The following RBFOX1 variants were observed in gnomAD, a reference collection of about 807,000 sequenced individuals.
RBFOX1 encodes the protein RNA binding fox-1 homolog 1.
A neutral mutation model predicts 57.7 loss-of-function variants in RBFOX1; 8 were observed. The observed-to-expected ratio is 0.14, with a 90% CI of 0.08 to 0.25. The LOEUF is 0.25. Ranked by LOEUF, RBFOX1 falls within the 10% of genes least tolerant of loss-of-function variation. The pLI, the probability that RBFOX1 is intolerant of heterozygous loss-of-function variation, is 1.00. For missense variants in RBFOX1, 611 were observed against 548.5 expected (o/e 1.11, Z -1.14); for synonymous variants, 326 against 222.4 (o/e 1.47, Z -4.15).
intron 2 of RBFOX1, among the ~76,000 whole-genome samples, chr16:6,499,647 C>A (rs2095860408): frequency 6.6e-6 from 1 of 151,888 alleles, no homozygotes; most frequent in African/African-American, 2.4e-5. Flanking sequence ...ATTTCAAGTT[C>A]TCATTATTGT....
intron 3 of RBFOX1, among the ~76,000 whole-genome samples, chr16:7,049,665 C>G (rs1161462541): frequency 5.3e-5 from 8 of 151,968 alleles, no homozygotes; most frequent in Non-Finnish European, 1.2e-4. Context: ...TGTGGCGGTA[C>G]TTTAAATTTT....
chr16:6,770,504 C>T (rs888722606), intron 3 of RBFOX1, among the ~76,000 whole-genome samples: 3 of 152,166 alleles, frequency 2.0e-5, no homozygotes, highest in East Asian at 1.9e-4. Flanking sequence ...ATTAGGATAG[C>T]CCTGCAAGTC....
chr16:6,364,026 G>A (rs1269123028), intron 2 of RBFOX1, among the ~76,000 whole-genome samples: 2 of 152,196 alleles, frequency 1.3e-5, no homozygotes. Context: ...TGTTTTCAAT[G>A]GAATAGTGGC....
intron 3 of RBFOX1, among the ~76,000 whole-genome samples, chr16:5,642,883 G>A (rs2048928180): frequency 6.6e-6 from 1 of 152,152 alleles, no homozygotes; most frequent in African/African-American, 2.4e-5. Flanking sequence ...GAGGGGGTCT[G>A]TATTCAAAAG....
At chr16:5,912,472 C>T (rs979861147) in intron 4 of RBFOX1, among the ~76,000 whole-genome samples, 1 of 152,186 alleles carries the variant, frequency 6.6e-6, no homozygotes, top group African/African-American at 2.4e-5. Flanking sequence ...CATCTCCCAG[C>T]TCCTCTCACC....
intron 4 of RBFOX1, among the ~76,000 whole-genome samples, chr16:7,091,354 C>G (rs937436889): frequency 1.3e-5 from 2 of 151,744 alleles, no homozygotes; most frequent in African/African-American, 4.8e-5. Flanking sequence ...TTCATCCTCA[C>G]CTTTTAAAAA....
intron 4 of RBFOX1, among the ~76,000 whole-genome samples, chr16:5,900,447 G>C (rs983269415): frequency 6.6e-6 from 1 of 152,200 alleles, no homozygotes; most frequent in Non-Finnish European, 1.5e-5. Flanking sequence ...TTTCTGCAAG[G>C]AGATTTATTT....
intron 4 of RBFOX1, among the ~76,000 whole-genome samples, chr16:7,206,075 C>T (rs8061832): frequency 0.1 from 15,447 of 152,156 alleles, 860 homozygotes; most frequent in African/African-American, 0.11. Flanking sequence ...ACTAGGAACT[C>T]AGTAAAATGT....
In RBFOX1 at chr16:7,082,218, A is replaced by C. The variant is rs1433167347; in HGVS notation, c.27+30120A>C. On this transcript the variant is annotated intron_variant, in intron 4 of 15. Transcript: ENST00000550418. The stretch of plus-strand genomic sequence containing the variant: ...ATTGAAGACCTATGGTTCAGGATGA[A>C]TCTACCTTCTCAGGAGCTTCAGTTG... 1.1e-4 allele frequency among the ~76,000 whole-genome samples: 16 copies of C among 152,264 alleles called. No individual in the cohort carries two copies. The East Asian group carries it at 2.9e-3, about 28-fold the overall frequency.
chr16:6,885,439 G>A (rs1370494322), intron 3 of RBFOX1, among the ~76,000 whole-genome samples: 9 of 152,198 alleles, frequency 5.9e-5, no homozygotes, highest in African/African-American at 2.2e-4. Context: ...GAGTTCTATA[G>A]TACCTTTCAG....
At chr16:6,165,637 G>A (rs1042388508) in intron 1 of RBFOX1, among the ~76,000 whole-genome samples, 2 of 152,206 alleles carry the variant, frequency 1.3e-5, no homozygotes, top group Non-Finnish European at 2.9e-5. Flanking sequence ...AAACAGTTCT[G>A]CCTGCTTCGT....
intron 15 of RBFOX1, 27 bp downstream of exon 15, chr16:7,709,158 ACTTCCTCCTGCCTCC>A (rs759101232): frequency 1.9e-6 from 3 of 1,577,546 alleles, no homozygotes; most frequent in Admixed American, 1.7e-5. Context: ...CCTTGTCCTC[ACTTCCTCCTGCCTCC>A]CTTCCCTTTC....
At chr16:5,984,962 ATATATATATATATATTTTT>A (rs2060252074) in intron 4 of RBFOX1, among the ~76,000 whole-genome samples, 1 of 38,170 alleles carries the variant, frequency 2.6e-5, no homozygotes, top group Admixed American at 2.3e-4. Context: ...ATATATATAT[ATATATATATATATATTTTT>A]TTTTTTTTTT....
At chr16:6,041,126 C>G (rs547669104) in intron 1 of RBFOX1, among the ~76,000 whole-genome samples, 70 of 152,296 alleles carry the variant, frequency 4.6e-4, no homozygotes, top group African/African-American at 1.7e-3. Flanking sequence ...CTGCTCTCCC[C>G]CTGCAGGTTC....
At chr16:7,614,635 G>T (rs1309061458) in intron 10 of RBFOX1, 1 of 152,190 alleles carries the variant, frequency 6.6e-6, no homozygotes, top group African/African-American at 2.4e-5. Context: ...TTCACATCCA[G>T]GCTATGGGAA....
rs577609939 is a variant in RBFOX1 at position 6,812,170 on chromosome 16, C to A, written c.-16+157520C>A. On this transcript the variant is annotated intron_variant, in intron 3 of 15. Coordinates refer to ENST00000550418, the MANE Select transcript of RBFOX1 (RefSeq NM_018723.4). ...TAATGAATGATTTTCAAGTAAAGGC[C>A]CCATAGGATTTTTTATTTGTCCTCC... 9.7e-4 allele frequency among the ~76,000 whole-genome samples: 148 copies of A among 152,174 alleles called. 2 individuals are homozygous for A. The highest frequency in any genetic ancestry group is 3.4e-3 in the Middle Eastern group (1 of 294).
At chr16:6,988,742 TGTTTG>T (rs1429114193) in intron 3 of RBFOX1, among the ~76,000 whole-genome samples, 12,611 of 122,176 alleles carry the variant, frequency 0.1, 1,367 homozygotes, top group East Asian at 0.25. Flanking sequence ...TTTTTTTTTT[TGTTTG>T]TTTGTTTTTT....
At position 6,727,447 on chromosome 16, in the gene RBFOX1, C is replaced by G. The variant is rs901287533; in HGVS notation, c.-16+72797C>G. On this transcript the variant is annotated intron_variant, in intron 3 of 15. Coordinates refer to ENST00000550418, the MANE Select transcript of RBFOX1 (RefSeq NM_018723.4). ...TTTCTTTTTTTCCTTCATATTCCCC[C>G]GCTGCTTCCACCTACACCAGATGAA... is the stretch of plus-strand genomic sequence containing the variant. 2.0e-5 allele frequency among the ~76,000 whole-genome samples: 3 copies of G among 151,846 alleles called. No homozygotes were observed. In the East Asian group the frequency reaches 5.8e-4, roughly 29 times the overall value.
At chr16:6,895,442 G>A (rs368182935) in intron 3 of RBFOX1, among the ~76,000 whole-genome samples, 18,777 of 78,232 alleles carry the variant, frequency 0.24, 2,181 homozygotes, top group Admixed American at 0.37. Context: ...GTGTGTGTGT[G>A]TGTGTGTATA....
Sources: gnomAD v4.1 joint callset for allele counts (sites outside exome capture counted in the v4.1 genomes callset) on GRCh38, gnomAD v4.1.1 for gene constraint, MANE v1.5 for transcripts, NCBI Gene and HGNC (gene_info 2026-07-23, HGNC 2026-07-21) for gene names.